Variants in DPYD observed in about 807,000 individuals in gnomAD.
The protein encoded by DPYD is dihydropyrimidine dehydrogenase [NADP(+)].
Under a neutral mutation model 116.2 loss-of-function variants are expected in DPYD, and 109 were observed. The observed-to-expected ratio is 0.94, with a 90% CI of 0.80 to 1.10. The LOEUF (loss-of-function observed/expected upper bound fraction) is 1.10. DPYD is among the 50% of genes least tolerant of loss of function. The pLI is 0.00. For missense variants in DPYD, 1,302 were observed against 1,254.5 expected, an observed-to-expected ratio of 1.04 and a Z score of -0.57; for synonymous variants, 440 against 432.0, an observed-to-expected ratio of 1.02 and a Z score of -0.23.
At chr1:97,567,997 G>A (rs1652650634) in intron 11 of DPYD, among the ~76,000 whole-genome samples, 1 of 151,952 alleles carries the variant, frequency 6.6e-6, no homozygotes, top group Non-Finnish European at 1.5e-5. Flanking sequence ...GCAAAATGGA[G>A]ATTTCTAACA....
At chr1:97,474,122 G>T (rs974177063) in intron 13 of DPYD, among the ~76,000 whole-genome samples, 1 of 151,886 alleles carries the variant, frequency 6.6e-6, no homozygotes, top group Non-Finnish European at 1.5e-5. Flanking sequence ...TTATTTCTGG[G>T]TGTATATCAA....
intron 14 of DPYD, among the ~76,000 whole-genome samples, chr1:97,407,174 G>A (rs763553190): frequency 2.7e-4 from 41 of 152,124 alleles, no homozygotes; most frequent in Middle Eastern, 6.8e-3. Context: ...TAAAAAAGAG[G>A]TTAATAATAA....
At chr1:97,512,827 T>C (rs1647905192) in intron 13 of DPYD, among the ~76,000 whole-genome samples, 1 of 151,900 alleles carries the variant, frequency 6.6e-6, no homozygotes, top group Admixed American at 6.6e-5. Context: ...ATATTTTAAA[T>C]ATGACTTTAC....
rs1669312475 is a variant in DPYD, at chr1:97,336,868, A to G, written c.2059-30571T>C. ...TGGAACAGCAGAGGGTAGAAACTGA[A>G]GTGGTCACAGAGATGGGATTGAATG... On this transcript the variant is annotated intron_variant, in intron 16 of 22. Coordinates refer to ENST00000370192, the MANE Select transcript of DPYD (RefSeq NM_000110.4). Among the ~76,000 whole-genome samples, 2 of 152,202 alleles carry G rather than the reference A, an allele frequency of 1.3e-5. 1 individual carries two copies. The highest frequency in any genetic ancestry group is 1.3e-4 in the Admixed American group (2 of 15,268).
intron 14 of DPYD, among the ~76,000 whole-genome samples, chr1:97,410,357 A>G (rs1190095807): frequency 1.3e-5 from 2 of 152,190 alleles, no homozygotes; most frequent in Non-Finnish European, 2.9e-5. Flanking sequence ...GATATATAAA[A>G]TGAAAATAAT....
chr1:97,589,685 T>A (rs1165038385), intron 10 of DPYD, among the ~76,000 whole-genome samples: 1 of 152,234 alleles, frequency 6.6e-6, no homozygotes, highest in Non-Finnish European at 1.5e-5. Context: ...AAACTTCATA[T>A]TGTTCTGTAT....
chr1:97,469,397 C>CAAAAA (rs59090402), intron 13 of DPYD, among the ~76,000 whole-genome samples: 41 of 80,804 alleles, frequency 5.1e-4, no homozygotes, highest in Middle Eastern at 0.012. Flanking sequence ...GCTAAAATTG[C>CAAAAA]AAAAAAAAAA....
chr1:97,495,318 T>C (rs897754595), intron 13 of DPYD, among the ~76,000 whole-genome samples: 7 of 152,104 alleles, frequency 4.6e-5, no homozygotes, highest in African/African-American at 1.2e-4. Flanking sequence ...TTCTGTAATG[T>C]CCAGAAAGAA....
intron 3 of DPYD, among the ~76,000 whole-genome samples, chr1:97,786,180 C>T (rs1667012172): frequency 6.6e-6 from 1 of 151,746 alleles, no homozygotes; most frequent in African/African-American, 2.4e-5. Context: ...CTAAAAAGAA[C>T]AAGGGCAACT....
chr1:97,795,773 C>T (rs1319272702), intron 3 of DPYD, among the ~76,000 whole-genome samples: 1 of 151,780 alleles, frequency 6.6e-6, no homozygotes, highest in Non-Finnish European at 1.5e-5. Context: ...AAATATGACT[C>T]ATTCTCTGGA....
At chr1:97,539,048 G>A (rs1416296807) in intron 12 of DPYD, among the ~76,000 whole-genome samples, 1 of 152,084 alleles carries the variant, frequency 6.6e-6, no homozygotes, top group Non-Finnish European at 1.5e-5. Context: ...ATATATTTAG[G>A]CAAACATATA....
intron 18 of DPYD, among the ~76,000 whole-genome samples, chr1:97,302,095 T>C (rs1036419433): frequency 6.6e-6 from 1 of 151,988 alleles, no homozygotes; most frequent in Non-Finnish European, 1.5e-5. Context: ...TATTCAGCTG[T>C]GTGATGATAC....
In DPYD at chr1:97,286,289, G is replaced by A. The variant is rs568382566; in HGVS notation, c.2299+18970C>T. ...TTGTAGAGTTTCTGCTGAGAGATCC[G>A]CTGTTAGTCTGATGGGCTTCCCTTT... On this transcript the variant is annotated intron_variant, in intron 18 of 22. Coordinates refer to ENST00000370192, the MANE Select transcript of DPYD (RefSeq NM_000110.4). Among the ~76,000 whole-genome samples the A allele has an allele frequency of 8.5e-5, 13 of 152,150 alleles. No individual in the cohort carries two copies. In the East Asian group the frequency reaches 1.3e-3, roughly 16 times the overall value.
At chr1:97,390,405 A>G (rs1051000655) in intron 14 of DPYD, among the ~76,000 whole-genome samples, 71 of 152,108 alleles carry the variant, frequency 4.7e-4, no homozygotes, top group Non-Finnish European at 3.4e-4. Context: ...ATTTAAACAA[A>G]GAAAATAAGT....
chr1:97,695,591 C>T (rs983094873), intron 6 of DPYD, among the ~76,000 whole-genome samples: 2 of 148,076 alleles, frequency 1.4e-5, no homozygotes, highest in African/African-American at 2.5e-5. Flanking sequence ...GTTAAGTGAT[C>T]GATATATATA....
chr1:97,141,854 T>C (rs1467930492), intron 20 of DPYD, among the ~76,000 whole-genome samples: 1 of 152,088 alleles, frequency 6.6e-6, no homozygotes, highest in Admixed American at 6.6e-5. Flanking sequence ...ATTTGAGGCA[T>C]TACAGAACCC....
intron 20 of DPYD, among the ~76,000 whole-genome samples, chr1:97,147,374 A>AATG: frequency 6.9e-6 from 1 of 145,532 alleles, no homozygotes; most frequent in African/African-American, 2.5e-5. Context: ...ACAAACGAAC[A>AATG]AACAAACAAA....
intron 3 of DPYD, among the ~76,000 whole-genome samples, chr1:97,823,097 T>C (rs1408208507): frequency 1.3e-5 from 2 of 152,198 alleles, no homozygotes; most frequent in Non-Finnish European, 2.9e-5. Flanking sequence ...CAAATCAAGG[T>C]AATTAGCATA....
At chr1:97,791,404 G>T (rs891290143) in intron 3 of DPYD, among the ~76,000 whole-genome samples, 1 of 152,144 alleles carries the variant, frequency 6.6e-6, no homozygotes, top group Non-Finnish European at 1.5e-5. Context: ...GCTTAATTTG[G>T]AAACCATAAT....
Sources: gnomAD v4.1 joint callset for allele counts (sites outside exome capture counted in the v4.1 genomes callset) on GRCh38, gnomAD v4.1.1 for gene constraint, MANE v1.5 for transcripts, NCBI Gene and HGNC (gene_info 2026-07-23, HGNC 2026-07-21) for gene names.